RPTOR: variants seen among roughly 807,000 people sequenced by gnomAD.
The protein encoded by RPTOR is regulatory-associated protein of mTOR.
In RPTOR, 21 loss-of-function variants were observed where a neutral mutation model predicts 169.9. The observed-to-expected ratio is 0.12, with a 90% CI of 0.09 to 0.18. The LOEUF (loss-of-function observed/expected upper bound fraction) is 0.18, where lower values mean the gene tolerates loss of function less well. RPTOR is among the 10% of genes least tolerant of loss of function. RPTOR has a pLI of 1.00. For synonymous variants in RPTOR, 732 were observed against 753.2 expected (o/e 0.97, Z 0.46); for missense variants, 1,133 against 1,855.9 (o/e 0.61, Z 7.16).
chr17:80,707,829 C>T lies in RPTOR; in HGVS notation c.349-12C>T. On this transcript the variant is annotated splice_polypyrimidine_tract_variant and intron_variant, in intron 3 of 33. Transcript: ENST00000306801. The surrounding 1 kb of genome is among the most constrained non-coding windows in gnomAD (Gnocchi z 5.0). ...TCCGTGGTAAATTTCTTCATTTCTT[C>T]TCCTGCAACAGGCCCGGTACAAGCA... is the stretch of plus-strand genomic sequence containing the variant. 6 of 1,606,504 alleles carry T rather than the reference C, an allele frequency of 3.7e-6. No individual in the cohort carries two copies. The highest frequency in any genetic ancestry group is 5.1e-6 in the Non-Finnish European group (6 of 1,174,416).
chr17:80,571,882 G>C (rs1258493489), intron 1 of RPTOR, among the ~76,000 whole-genome samples: 2 of 152,086 alleles, frequency 1.3e-5, no homozygotes, highest in Admixed American at 1.3e-4. Flanking sequence ...TTGCGTTTTC[G>C]TGTGTTGCTT....
At chr17:80,606,932 A>G (rs2065233530) in intron 1 of RPTOR, among the ~76,000 whole-genome samples, 1 of 152,092 alleles carries the variant, frequency 6.6e-6, no homozygotes, top group Non-Finnish European at 1.5e-5. Flanking sequence ...TCAACTTGAG[A>G]TTTCTAGAGG....
chr17:80,772,274 A>T (rs1053743420), intron 6 of RPTOR, among the ~76,000 whole-genome samples: 1 of 152,296 alleles, frequency 6.6e-6, no homozygotes, highest in South Asian at 2.1e-4. Flanking sequence ...GTCTTCCTTA[A>T]TATCACATCC....
chr17:80,549,870 A>G (rs907823819), intron 1 of RPTOR, among the ~76,000 whole-genome samples: 1 of 152,234 alleles, frequency 6.6e-6, no homozygotes, highest in Non-Finnish European at 1.5e-5. Flanking sequence ...ATTGTCAGAC[A>G]CTATTTCCAT....
chr17:80,899,612 C>T (rs1387901542), intron 20 of RPTOR, among the ~76,000 whole-genome samples: 2 of 152,254 alleles, frequency 1.3e-5, no homozygotes, highest in East Asian at 1.9e-4. Context: ...AGTCTGCAAA[C>T]TCTTCCTGTG....
intron 3 of RPTOR, among the ~76,000 whole-genome samples, chr17:80,672,632 CAG>C (rs994968517): frequency 6.6e-6 from 1 of 151,898 alleles, no homozygotes; most frequent in Non-Finnish European, 1.5e-5. Flanking sequence ...CTACTAAAAA[CAG>C]AAAAAATTAG....
chr17:80,819,576 G>C (rs1161217206), intron 7 of RPTOR, among the ~76,000 whole-genome samples: 1 of 152,180 alleles, frequency 6.6e-6, no homozygotes, highest in East Asian at 1.9e-4. Context: ...TCCCCATCTT[G>C]CTTCCGGTTT....
rs761264017 is a variant in RPTOR at position 80,945,651 on chromosome 17, G to A, written c.3026-16G>A. 13 of 1,512,312 alleles carry A rather than the reference G, an allele frequency of 8.6e-6. No individual in the cohort carries two copies. In the East Asian group the frequency reaches 2.7e-4, roughly 32 times the overall value. The allele number at this position is 1,512,312 out of a possible 1,614,324, so 93.7% of individuals were successfully genotyped here. A position where few individuals can be genotyped will look rare whatever the true frequency, so the allele number is the denominator to read the frequency against. ...TGCTGGCTCCTGGATCCACTCTTGT[G>A]TGTTTCTTTTGACAGGCATTACGAG... On this transcript the variant is annotated splice_polypyrimidine_tract_variant and intron_variant, in intron 25 of 33. Coordinates refer to ENST00000306801, the MANE Select transcript of RPTOR (RefSeq NM_020761.3).
chr17:80,720,139 C>CA (rs904437024), intron 4 of RPTOR, among the ~76,000 whole-genome samples: 7 of 150,316 alleles, frequency 4.7e-5, no homozygotes, highest in Admixed American at 2.0e-4. Flanking sequence ...TTAAAAATAC[C>CA]AAAAAAAAAT....
At chr17:80,698,759 C>G (rs937664148) in intron 3 of RPTOR, among the ~76,000 whole-genome samples, 1 of 152,244 alleles carries the variant, frequency 6.6e-6, no homozygotes, top group African/African-American at 2.4e-5. Flanking sequence ...AAAGACAAGC[C>G]TGTTCTGCCA....
intron 1 of RPTOR, among the ~76,000 whole-genome samples, chr17:80,615,506 C>G (rs1015979621): frequency 7.2e-5 from 11 of 152,198 alleles, no homozygotes; most frequent in African/African-American, 2.7e-4. Flanking sequence ...TGGGGAACTA[C>G]AGATGGCAGA....
intron 1 of RPTOR, among the ~76,000 whole-genome samples, chr17:80,554,189 AT>A (rs951692827): frequency 7.4e-5 from 11 of 149,290 alleles, no homozygotes; most frequent in Non-Finnish European, 1.2e-4. Flanking sequence ...CCATGCCTAG[AT>A]TTTTTTTTTG....
chr17:80,936,135 A>G lies in RPTOR; in HGVS notation c.2920-4361A>G, dbSNP rs950636482. On this transcript the variant is annotated intron_variant, in intron 24 of 33. Transcript: ENST00000306801. This position sits in a 1 kb window ranked among gnomAD's most constrained non-coding sequence, Gnocchi z 4.1. ...CATTGTTAAGGATCTTAATCACGGGAAAGTACGGACCCCTGCAGTGAGATC... is the reference window on the plus strand; with the variant it reads ...CATTGTTAAGGATCTTAATCACGGGGAAGTACGGACCCCTGCAGTGAGATC... Among the ~76,000 whole-genome samples, 1 of 152,210 alleles carries G rather than the reference A, an allele frequency of 6.6e-6. No homozygotes were observed. Among genetic ancestry groups the G allele is most frequent in the Non-Finnish European group, 1.5e-5 (1 of 68,046 alleles).
chr17:80,632,724 G>C (rs1325223031), intron 2 of RPTOR, among the ~76,000 whole-genome samples: 1 of 152,172 alleles, frequency 6.6e-6, no homozygotes, highest in Non-Finnish European at 1.5e-5. Flanking sequence ...TGGCATAAGA[G>C]AATAAGAAGC....
chr17:80,880,604 C>T (rs1039860470), intron 14 of RPTOR, 115 bp downstream of exon 14: 1 of 953,406 alleles, frequency 1.0e-6, no homozygotes, highest in African/African-American at 1.6e-5. Context: ...GGTCAAGGGT[C>T]ACAGCAGGGG....
intron 1 of RPTOR, among the ~76,000 whole-genome samples, chr17:80,572,070 T>G (rs2071655384): frequency 1.3e-5 from 2 of 152,244 alleles, no homozygotes; most frequent in South Asian, 4.1e-4. Context: ...TACTTATCCA[T>G]TCTACTGCTG....
intron 3 of RPTOR, among the ~76,000 whole-genome samples, chr17:80,667,436 C>G (rs141182344): frequency 6.6e-6 from 1 of 152,354 alleles, no homozygotes; most frequent in East Asian, 1.9e-4. Flanking sequence ...AGAATAAGGA[C>G]TTGATCGCCT....
chr17:80,891,534 C>G (rs1260800422), intron 17 of RPTOR, among the ~76,000 whole-genome samples, 186 bp from the exon 18 acceptor site: 1 of 152,270 alleles, frequency 6.6e-6, no homozygotes, highest in African/African-American at 2.4e-5. Context: ...CTGCCGTCTC[C>G]CAGCACTCTG....
At position 80,616,716 on chromosome 17, in the gene RPTOR, T is replaced by C. The variant is rs571168849; in HGVS notation, c.163-8975T>C. 2.6e-5 allele frequency among the ~76,000 whole-genome samples: 4 copies of C among 152,270 alleles called. No individual in the cohort carries two copies. In the East Asian group the frequency reaches 7.7e-4, roughly 29 times the overall value. The stretch of plus-strand genomic sequence containing the variant: ...GATGGGAGGATCCGTTTGAGCCCTA[T>C]TGAAGCAATAGGCTTCACTTTGTAT... On this transcript the variant is annotated intron_variant, in intron 1 of 33. Coordinates refer to ENST00000306801, the MANE Select transcript of RPTOR (RefSeq NM_020761.3).
Sources: gnomAD v4.1 joint callset for allele counts (sites outside exome capture counted in the v4.1 genomes callset) on GRCh38, gnomAD v4.1.1 for gene constraint, Gnocchi (gnomAD v3.1) non-coding constraint, MANE v1.5 for transcripts, NCBI Gene and HGNC (gene_info 2026-07-23, HGNC 2026-07-21) for gene names.